The following RAD18 variants were observed in gnomAD, a reference collection of about 807,000 sequenced individuals.
RAD18 encodes E3 ubiquitin-protein ligase RAD18.
RAD18 carries 47 observed loss-of-function variants against 60.4 expected under a neutral mutation model. The observed-to-expected ratio is 0.78, with a 90% CI of 0.62 to 0.99. The LOEUF (loss-of-function observed/expected upper bound fraction) is 0.99. Among genes scored for constraint, RAD18 ranks in the 50% least tolerant of loss-of-function variants. The pLI, the probability that RAD18 is intolerant of heterozygous loss-of-function variation, is 0.00. For synonymous variants in RAD18, 225 were observed against 195.5 expected (o/e 1.15, Z -1.26); for missense variants, 640 against 593.3 (o/e 1.08, Z -0.82).
rs1939406108 is a variant in RAD18 at position 8,878,690 on chromosome 3, T to C, written c.*2667A>G. The stretch of plus-strand genomic sequence containing the variant: ...TCAACTAGACCAGTAATCCTCAACA[T>C]GAGGTCGAAAAAGAAAGACGAGAGT... On this transcript the variant is annotated 3_prime_UTR_variant, in exon 13 of 13. Transcript: ENST00000264926. 6.6e-6 allele frequency: 1 copy of C among 152,114 alleles called. No individual in the cohort carries two copies. Among genetic ancestry groups the C allele is most frequent in the South Asian group, 2.1e-4 (1 of 4,812 alleles). 9.4% of individuals were successfully genotyped at this position (152,114 alleles called of 1,614,324 possible). A position where few individuals can be genotyped will look rare whatever the true frequency, so the allele number is the denominator to read the frequency against.
intron 12 of RAD18, among the ~76,000 whole-genome samples, chr3:8,883,877 T>C (rs1398939175): frequency 1.3e-5 from 2 of 152,230 alleles, no homozygotes; most frequent in African/African-American, 2.4e-5. Flanking sequence ...ATGCCTCTAA[T>C]TGCTTTCAAC....
chr3:8,932,823 C>T (rs1940582479), intron 7 of RAD18, among the ~76,000 whole-genome samples: 1 of 152,120 alleles, frequency 6.6e-6, no homozygotes, highest in African/African-American at 2.4e-5. Flanking sequence ...ACTGGCTGGG[C>T]ACGGGGGCTC....
Position 8,878,493 on chromosome 3 carries a change from G to A in RAD18, c.*2864C>T, listed in dbSNP as rs1285017753. On this transcript the variant is annotated 3_prime_UTR_variant, in exon 13 of 13. Coordinates refer to ENST00000264926, the MANE Select transcript of RAD18 (RefSeq NM_020165.4). ...TGAATAATTGCTACTTTCTTTTATC[G>A]GATGCTAAGAAGTTTGAAATCCATT... The A allele has an allele frequency of 2.6e-5, 4 of 152,012 alleles. No homozygotes were observed. The highest frequency in any genetic ancestry group is 2.1e-4 in the South Asian group (1 of 4,814). 9.4% of individuals were successfully genotyped at this position (152,012 alleles called of 1,614,324 possible).
intron 1 of RAD18, among the ~76,000 whole-genome samples, chr3:8,960,939 A>C: frequency 6.6e-6 from 1 of 152,216 alleles, no homozygotes; most frequent in East Asian, 1.9e-4. Context: ...ATTTTTGTTA[A>C]AGTAAAACCA....
intron 7 of RAD18, among the ~76,000 whole-genome samples, chr3:8,923,430 A>G (rs1290450044): frequency 6.6e-6 from 1 of 152,192 alleles, no homozygotes. Context: ...GACCAAATCT[A>G]CGTCTCACTG....
chr3:8,895,869 C>G (rs1489878996), intron 11 of RAD18, among the ~76,000 whole-genome samples: 1 of 152,204 alleles, frequency 6.6e-6, no homozygotes, highest in African/African-American at 2.4e-5. Flanking sequence ...GAAAAGAGGT[C>G]ACATGCTATA....
Position 8,939,578 on chromosome 3 carries a change from T to C in RAD18, c.680A>G (p.Glu227Gly). ...CCTTCTGAGGCTTTCCTTCTTCTCT[T>C]CGCGTGATAAACAGCTGTCTAAATG... ...NKHLDSCLSR[E>G]EKKESLRSSV... The change falls in exon 6 of 13, where the codon GAA (glutamate) becomes GGA (glycine). Residue 227 changes from glutamate (E) to glycine (G), a missense_variant. Coordinates refer to ENST00000264926, the MANE Select transcript of RAD18 (RefSeq NM_020165.4). 6.2e-7 allele frequency: 1 copy of C among 1,613,060 alleles called. No individual in the cohort carries two copies. The highest frequency in any genetic ancestry group is 8.5e-7 in the Non-Finnish European group (1 of 1,179,204).
At chr3:8,937,998 G>C (rs926465382) in intron 6 of RAD18, among the ~76,000 whole-genome samples, 1 of 152,122 alleles carries the variant, frequency 6.6e-6, no homozygotes, top group Non-Finnish European at 1.5e-5. Context: ...AAAAAGGGGA[G>C]TCCATGCAAG....
intron 7 of RAD18, among the ~76,000 whole-genome samples, chr3:8,914,159 C>T (rs186291151): frequency 1.3e-5 from 2 of 152,314 alleles, no homozygotes; most frequent in East Asian, 3.9e-4. Context: ...AATGTCCTTG[C>T]CTCCAGAACC....
chr3:8,940,531 C>A (rs535593662), intron 5 of RAD18, among the ~76,000 whole-genome samples: 1 of 152,230 alleles, frequency 6.6e-6, no homozygotes, highest in Non-Finnish European at 1.5e-5. Context: ...TACACACTCA[C>A]ATCTCTGCAC....
intron 2 of RAD18, among the ~76,000 whole-genome samples, chr3:8,956,921 C>A (rs1351966676): frequency 6.6e-6 from 1 of 152,150 alleles, no homozygotes; most frequent in Non-Finnish European, 1.5e-5. Context: ...TGTCCCTCCA[C>A]ACCACTTTCA....
At chr3:8,941,914 T>C in intron 4 of RAD18, 110 bp from the exon 5 acceptor site, 4 of 1,010,328 alleles carry the variant, frequency 4.0e-6, no homozygotes, top group Non-Finnish European at 5.7e-6. Flanking sequence ...ATACAGGACC[T>C]ATACTATAAT....
chr3:8,941,498 G>A lies in RAD18; in HGVS notation c.573C>T (p.Pro191=), dbSNP rs1940745503. 1.9e-6 allele frequency: 3 copies of A among 1,612,054 alleles called. No homozygotes were observed. The African/African-American group carries it at 4.0e-5, about 22-fold the overall frequency. ...DPSEAKRPEP[P]STSTLKQVTK... is the part of the protein sequence containing the mutation. Reference sequence around the variant, plus strand: ...TAACTTGTTTCAAAGTGGATGTCGAGGGTGGCTCAGGACGCTTAGCCTCTG... The same window carrying A: ...TAACTTGTTTCAAAGTGGATGTCGAAGGTGGCTCAGGACGCTTAGCCTCTG... The change falls in exon 5 of 13, where the codon CCC becomes CCT. Residue 191 remains proline, a synonymous_variant. Transcript: ENST00000264926.
intron 2 of RAD18, among the ~76,000 whole-genome samples, chr3:8,951,168 C>T (rs1940920123): frequency 6.6e-6 from 1 of 152,004 alleles, no homozygotes; most frequent in African/African-American, 2.4e-5. Context: ...GAACACTAAC[C>T]AGGATAAATG....
intron 7 of RAD18, among the ~76,000 whole-genome samples, chr3:8,914,752 T>C (rs1306960258): frequency 1.3e-5 from 2 of 152,084 alleles, no homozygotes; most frequent in African/African-American, 4.8e-5. Flanking sequence ...TGGAATAACA[T>C]GAAAAACACA....
intron 12 of RAD18, among the ~76,000 whole-genome samples, chr3:8,886,490 T>C (rs538800954): frequency 6.6e-6 from 1 of 152,362 alleles, no homozygotes; most frequent in East Asian, 1.9e-4. Flanking sequence ...AGTAAGAACA[T>C]AGAATCTACT....
intron 1 of RAD18, among the ~76,000 whole-genome samples, chr3:8,962,401 G>A (rs1941105255): frequency 6.6e-6 from 1 of 152,276 alleles, no homozygotes; most frequent in Middle Eastern, 3.4e-3. Context: ...AAGTCCCCAA[G>A]CACTCTAGAC....
intron 6 of RAD18, among the ~76,000 whole-genome samples, chr3:8,937,082 T>A (rs1346387677): frequency 6.6e-6 from 1 of 152,216 alleles, no homozygotes; most frequent in Non-Finnish European, 1.5e-5. Context: ...AAACTCTCAA[T>A]AGATTATATT....
chr3:8,952,173 T>A (rs1559800359), intron 2 of RAD18, among the ~76,000 whole-genome samples: 1 of 152,132 alleles, frequency 6.6e-6, no homozygotes, highest in South Asian at 2.1e-4. Flanking sequence ...GCAAAATACA[T>A]CCATCCCATC....
Sources: allele counts gnomAD v4.1 joint callset (sites outside exome capture counted in the v4.1 genomes callset), GRCh38; gene constraint gnomAD v4.1.1; transcripts MANE v1.5; gene names NCBI Gene and HGNC (gene_info 2026-07-23, HGNC 2026-07-21).